NOS1AP: variants seen among roughly 807,000 people sequenced by gnomAD.
The protein encoded by NOS1AP is nitric oxide synthase 1 adaptor protein, also known as carboxyl-terminal PDZ ligand of neuronal nitric oxide synthase protein.
A neutral mutation model predicts 56.2 loss-of-function variants in NOS1AP; 21 were observed. The observed-to-expected ratio is 0.37, with a 90% CI of 0.26 to 0.54. The LOEUF (loss-of-function observed/expected upper bound fraction) is 0.54, where lower values mean the gene tolerates loss of function less well. NOS1AP is among the 20% of genes least tolerant of loss of function. The pLI, the probability that NOS1AP is intolerant of heterozygous loss-of-function variation, is 0.84. For synonymous variants in NOS1AP, 270 were observed against 274.6 expected (o/e 0.98, Z 0.17); for missense variants, 522 against 657.8 (o/e 0.79, Z 2.26).
chr1:162,313,877 G>A (rs10919166), intron 4 of NOS1AP, among the ~76,000 whole-genome samples: 38,508 of 152,030 alleles, frequency 0.25, 5,678 homozygotes, highest in East Asian at 0.53. Flanking sequence ...CTGGCCTCCC[G>A]CTTGATTTTA....
intron 1 of NOS1AP, among the ~76,000 whole-genome samples, chr1:162,079,967 G>T: frequency 6.6e-6 from 1 of 152,170 alleles, no homozygotes; most frequent in Non-Finnish European, 1.5e-5. Flanking sequence ...AGGTTCTGGT[G>T]CATGCCACCA....
rs752856216 is a variant in NOS1AP at position 162,363,990 on chromosome 1, C to T, written c.940-1414C>T. The stretch of plus-strand genomic sequence containing the variant: ...AATCTGGGCAAGAGGGAGGCAGCCA[C>T]GGTATCCACAAGTGTAATTCTCTGA... On this transcript the variant is annotated intron_variant, in intron 8 of 9. Transcript: ENST00000361897. The T allele has an allele frequency of 4.9e-5, 48 of 985,274 alleles. No individual in the cohort carries two copies. In the East Asian group the frequency reaches 9.1e-4, roughly 19 times the overall value. The allele number at this position is 985,274 out of a possible 1,614,324, so 61.0% of individuals were successfully genotyped here.
chr1:162,290,467 T>C (rs1021743454), intron 3 of NOS1AP, among the ~76,000 whole-genome samples: 2 of 152,230 alleles, frequency 1.3e-5, no homozygotes, highest in African/African-American at 4.8e-5. Flanking sequence ...TCTCTGCTTA[T>C]AGAATTGAGA....
intron 2 of NOS1AP, among the ~76,000 whole-genome samples, chr1:162,193,130 A>G (rs1181398602): frequency 6.6e-6 from 1 of 152,130 alleles, no homozygotes; most frequent in Admixed American, 6.6e-5. Flanking sequence ...TGAAAAGATG[A>G]CTCTCAGGCT....
intron 2 of NOS1AP, among the ~76,000 whole-genome samples, chr1:162,178,129 A>T (rs1049371791): frequency 1.3e-5 from 2 of 152,086 alleles, no homozygotes; most frequent in African/African-American, 4.8e-5. Flanking sequence ...GGTTTCTTTC[A>T]CTTAGTAGTA....
At chr1:162,130,769 G>A (rs1395889291) in intron 1 of NOS1AP, among the ~76,000 whole-genome samples, 1 of 152,204 alleles carries the variant, frequency 6.6e-6, no homozygotes, top group Non-Finnish European at 1.5e-5. Flanking sequence ...TGCTTAGTGT[G>A]TACCCTAACA....
Position 162,337,586 on chromosome 1 carries a change from T to C in NOS1AP, c.453+4461T>C, listed in dbSNP as rs558981545. Among the ~76,000 whole-genome samples the C allele has an allele frequency of 2.1e-4, 32 of 152,330 alleles. 1 individual carries two copies. The East Asian group carries it at 5.8e-3, about 28-fold the overall frequency. The stretch of plus-strand genomic sequence containing the variant: ...TCTTTGTGGATGAGAAAATCAATAC[T>C]GAGAAAGGAGAATTAACTGTCCACA... On this transcript the variant is annotated intron_variant, in intron 5 of 9. Transcript: ENST00000361897.
At chr1:162,127,126 G>A (rs1169214991) in intron 1 of NOS1AP, among the ~76,000 whole-genome samples, 1 of 151,762 alleles carries the variant, frequency 6.6e-6, no homozygotes, top group Non-Finnish European at 1.5e-5. Flanking sequence ...TTTAAATCAG[G>A]GTTTTGGTCT....
At chr1:162,182,724 G>C (rs529059634) in intron 2 of NOS1AP, among the ~76,000 whole-genome samples, 2 of 152,116 alleles carry the variant, frequency 1.3e-5, no homozygotes, top group Admixed American at 6.5e-5. Flanking sequence ...CAATTTATTT[G>C]CTCATCCCTA....
chr1:162,183,251 C>A lies in NOS1AP; in HGVS notation c.177+28775C>A, dbSNP rs373602364. Among the ~76,000 whole-genome samples, 12 of 152,270 alleles carry A rather than the reference C, an allele frequency of 7.9e-5. No individual in the cohort carries two copies. The South Asian group carries it at 2.5e-3, about 32-fold the overall frequency. ...ATTTTGAAAGAAATATATTTCTGAG[C>A]AGTAGGTTTCAACAGGGGGCTTAAA... is the stretch of plus-strand genomic sequence containing the variant. On this transcript the variant is annotated intron_variant, in intron 2 of 9. Transcript: ENST00000361897.
intron 3 of NOS1AP, among the ~76,000 whole-genome samples, chr1:162,296,268 A>G (rs1236820397): frequency 6.6e-6 from 1 of 152,162 alleles, no homozygotes; most frequent in Non-Finnish European, 1.5e-5. Flanking sequence ...GCCTGGTGAC[A>G]GAGCGAGACT....
At position 162,287,407 on chromosome 1, in the gene NOS1AP, G is replaced by A. The variant is rs749016887; in HGVS notation, c.241G>A (p.Val81Met). Residue 81 changes from valine to methionine, a missense_variant, in exon 3 of 10, where the codon GTG becomes ATG. This residue lies in a region of NOS1AP where 132 missense variants were observed against 218.1 expected (regional missense o/e 0.61). Transcript: ENST00000361897. ...KVSIMVSVDG[V>M]KVILKKKKKL... is the part of the protein sequence containing the mutation. ...GAGCATTATGGTTTCAGTGGATGGAGTGAAAGTGATTCTGAAGAAGAAGAA... is the reference window on the plus strand; with the variant it reads ...GAGCATTATGGTTTCAGTGGATGGAATGAAAGTGATTCTGAAGAAGAAGAA... The A allele has an allele frequency of 2.5e-6, 4 of 1,612,916 alleles. No homozygotes were observed. In the South Asian group the frequency reaches 3.3e-5, roughly 13 times the overall value.
At chr1:162,231,100 C>T (rs1653109988) in intron 2 of NOS1AP, among the ~76,000 whole-genome samples, 1 of 152,212 alleles carries the variant, frequency 6.6e-6, no homozygotes, top group Non-Finnish European at 1.5e-5. Context: ...TACATTTCCA[C>T]CAACAGTGTA....
At chr1:162,300,596 C>T in intron 3 of NOS1AP, 37 bp from the exon 4 acceptor site, 1 of 1,570,602 alleles carries the variant, frequency 6.4e-7, no homozygotes, top group Non-Finnish European at 8.8e-7. Flanking sequence ...TGCCCTGGTC[C>T]TGTAACTGAG....
chr1:162,093,120 C>T (rs970285698), intron 1 of NOS1AP, among the ~76,000 whole-genome samples: 1 of 152,146 alleles, frequency 6.6e-6, no homozygotes, highest in African/African-American at 2.4e-5. Flanking sequence ...TCCCAGTAGA[C>T]CTAGGCCTCT....
At chr1:162,247,766 C>T (rs190041160) in intron 2 of NOS1AP, among the ~76,000 whole-genome samples, 364 of 152,278 alleles carry the variant, frequency 2.4e-3, no homozygotes, top group Non-Finnish European at 4.3e-3. Context: ...ATCTTATTCC[C>T]TATTGAAATG....
intron 1 of NOS1AP, among the ~76,000 whole-genome samples, chr1:162,099,201 T>TG (rs1480437997): frequency 6.6e-6 from 1 of 151,592 alleles, no homozygotes; most frequent in Admixed American, 6.6e-5. Context: ...TTTTTTGTTT[T>TG]TTTTTTTTGA....
chr1:162,145,257 G>T (rs1649412113), intron 1 of NOS1AP, among the ~76,000 whole-genome samples: 2 of 149,050 alleles, frequency 1.3e-5, no homozygotes, highest in African/African-American at 4.9e-5. Flanking sequence ...GTATGTGAGG[G>T]GTGGGTGGGG....
At position 162,296,662 on chromosome 1, in the gene NOS1AP, T is replaced by A. The variant is rs376711301; in HGVS notation, c.271-3971T>A. On this transcript the variant is annotated intron_variant, in intron 3 of 9. Coordinates refer to ENST00000361897, the MANE Select transcript of NOS1AP (RefSeq NM_014697.3). ...GAGCCTGGTTTCTCTGTCCTCCTAT[T>A]CACATCTGCCAGAGAAAGAAAATAG... Among the ~76,000 whole-genome samples the A allele has an allele frequency of 8.5e-5, 13 of 152,324 alleles. No homozygotes were observed. The East Asian group carries it at 1.9e-3, about 23-fold the overall frequency.
Sources: gnomAD v4.1 joint callset for allele counts (sites outside exome capture counted in the v4.1 genomes callset) on GRCh38, gnomAD v4.1.1 for gene constraint, gnomAD v4.1.1 regional missense constraint, MANE v1.5 for transcripts, NCBI Gene and HGNC (gene_info 2026-07-23, HGNC 2026-07-21) for gene names.